Variants in OBI1 observed in about 807,000 individuals in gnomAD.
OBI1 encodes ring finger protein 219.
OBI1 carries 59 observed loss-of-function variants against 62.4 expected under a neutral mutation model. The ratio of observed to expected loss-of-function variants is 0.95; its 90% CI spans 0.77 to 1.17. OBI1 has a LOEUF of 1.17. Among genes scored for constraint, OBI1 ranks in the 50% most tolerant of loss-of-function variants. The pLI, the probability that OBI1 is intolerant of heterozygous loss-of-function variation, is 0.00. For synonymous variants in OBI1, 302 were observed against 292.8 expected, an observed-to-expected ratio of 1.03 and a Z score of -0.32; for missense variants, 875 against 830.9, an observed-to-expected ratio of 1.05 and a Z score of -0.65.
intron 5 of OBI1, among the ~76,000 whole-genome samples, chr13:78,631,186 T>C (rs1379656014): frequency 2.6e-5 from 4 of 152,166 alleles, no homozygotes; most frequent in Non-Finnish European, 5.9e-5. Flanking sequence ...ACTCAATAGA[T>C]ACGTAGTAGG....
In OBI1 at chr13:78,653,608, G is replaced by A. The variant is rs181187848; in HGVS notation, c.72+5441C>T. Reference sequence around the variant, plus strand: ...GCAGGGTTAGTGAACAATAATCTGGGAGAAATAAATACAGGACGATGTGCC... The same window carrying A: ...GCAGGGTTAGTGAACAATAATCTGGAAGAAATAAATACAGGACGATGTGCC... On this transcript the variant is annotated intron_variant, in intron 1 of 5. Coordinates refer to ENST00000282003, the MANE Select transcript of OBI1 (RefSeq NM_024546.4). Among the ~76,000 whole-genome samples the A allele has an allele frequency of 3.4e-3, 520 of 152,298 alleles. 5 individuals carry two copies. Among genetic ancestry groups the A allele is most frequent in the South Asian group, 0.03 (143 of 4,822 alleles).
rs565927894 is a variant in OBI1, at chr13:78,634,395, A to G, written c.638+715T>C. On this transcript the variant is annotated intron_variant, in intron 5 of 5. Coordinates refer to ENST00000282003, the MANE Select transcript of OBI1 (RefSeq NM_024546.4). The stretch of plus-strand genomic sequence containing the variant: ...ATGCAACCTCTGCCTCCCGGACTCA[A>G]GTGATTCTCCTGCCTCAGCCTCCCG... Among the ~76,000 whole-genome samples, 550 of 152,066 alleles carry G rather than the reference A, an allele frequency of 3.6e-3. 8 individuals are homozygous for G. The highest frequency in any genetic ancestry group is 4.3e-3 in the Non-Finnish European group (295 of 68,004).
Position 78,615,770 on chromosome 13 carries a change from T to G in OBI1, c.1991A>C (p.Glu664Ala). The G allele has an allele frequency of 6.2e-7, 1 of 1,613,880 alleles. No homozygotes were observed. Among genetic ancestry groups the G allele is most frequent in the African/African-American group, 1.3e-5 (1 of 75,040 alleles). Residue 664 changes from glutamate (E) to alanine (A), a missense_variant, in exon 6 of 6, where the codon GAA (glutamate) becomes GCA (alanine). Glu to Ala is a moderately radical substitution (Grantham distance 107). Coordinates refer to ENST00000282003, the MANE Select transcript of OBI1 (RefSeq NM_024546.4). ...CAAAGATGACCCAAATCTTTGATCT[T>G]CAAATAGTCGATGTGAACTGCTTAA... ...ILLSSSHRLF[E>A]DQRFGSSLFK...
chr13:78,631,752 T>G (rs1363299267), intron 5 of OBI1, among the ~76,000 whole-genome samples: 1 of 152,162 alleles, frequency 6.6e-6, no homozygotes, highest in Non-Finnish European at 1.5e-5. Context: ...TATTGAAACC[T>G]AGAAGAACAT....
At position 78,638,973 on chromosome 13, in the gene OBI1, C is replaced by T; in HGVS notation, c.399G>A (p.Leu133=). The part of the protein sequence containing the change: ...QIKTILDPLT[L]VQGNQNEDKH... ...TGTCTTCATTTTGGTTGCCCTGCACCAAGGTTAAAGGATCCAGAATAGTTT... is the reference window on the plus strand; with the variant it reads ...TGTCTTCATTTTGGTTGCCCTGCACTAAGGTTAAAGGATCCAGAATAGTTT... The change falls in exon 4 of 6, where the codon TTG becomes TTA. Residue 133 remains leucine, a synonymous_variant. Coordinates refer to ENST00000282003, the MANE Select transcript of OBI1 (RefSeq NM_024546.4). 6.2e-7 allele frequency: 1 copy of T among 1,613,878 alleles called. No individual in the cohort carries two copies. The highest frequency in any genetic ancestry group is 1.1e-5 in the South Asian group (1 of 91,072).
At chr13:78,654,104 G>A (rs899579895) in intron 1 of OBI1, among the ~76,000 whole-genome samples, 2 of 151,240 alleles carry the variant, frequency 1.3e-5, no homozygotes, top group Middle Eastern at 3.5e-3. Flanking sequence ...TCCTGTCTAG[G>A]TAAAAGGAGA....
At chr13:78,624,614 A>G (rs1448830622) in intron 5 of OBI1, among the ~76,000 whole-genome samples, 1 of 152,164 alleles carries the variant, frequency 6.6e-6, no homozygotes, top group Non-Finnish European at 1.5e-5. Context: ...TTTGTAGTTA[A>G]AAAACTGTGG....
intron 5 of OBI1, among the ~76,000 whole-genome samples, chr13:78,620,248 A>C (rs1875465494): frequency 6.6e-6 from 1 of 152,254 alleles, no homozygotes; most frequent in Non-Finnish European, 1.5e-5. Flanking sequence ...TAGAAGAAGG[A>C]CATGAGCTTA....
rs200278404 is a variant in OBI1 at position 78,616,745 on chromosome 13, G to A, written c.1016C>T (p.Ser339Phe). Residue 339 changes from serine (S) to phenylalanine (F), a missense_variant, in exon 6 of 6, where the codon TCT (serine) becomes TTT (phenylalanine). Ser to Phe is a radical substitution (Grantham distance 155). Coordinates refer to ENST00000282003, the MANE Select transcript of OBI1 (RefSeq NM_024546.4). Reference protein sequence around the residue: ...ESTSKADLNCSKNKDLYQEQV... With the variant: ...ESTSKADLNCFKNKDLYQEQV... ...TTCTTGATATAGGTCTTTGTTCTTAGAACAGTTAAGGTCTGCTTTGCTGGT... is the reference window on the plus strand; with the variant it reads ...TTCTTGATATAGGTCTTTGTTCTTAAAACAGTTAAGGTCTGCTTTGCTGGT... 2 of 1,614,106 alleles carry A rather than the reference G, an allele frequency of 1.2e-6. No homozygotes were observed. Among genetic ancestry groups the A allele is most frequent in the Non-Finnish European group, 1.7e-6 (2 of 1,180,014 alleles).
chr13:78,623,111 C>T (rs936695204), intron 5 of OBI1, among the ~76,000 whole-genome samples: 9 of 152,190 alleles, frequency 5.9e-5, no homozygotes, highest in Non-Finnish European at 8.8e-5. Flanking sequence ...GCCAATGTTT[C>T]CTCAAGAGAG....
In OBI1 at chr13:78,635,122, C is replaced by T. The variant is rs1476090809; in HGVS notation, c.626G>A (p.Arg209Lys). Residue 209 changes from arginine (R) to lysine (K), a missense_variant, in exon 5 of 6, where the codon AGA becomes AAA. Arg to Lys is a conservative substitution (Grantham distance 26). Coordinates refer to ENST00000282003, the MANE Select transcript of OBI1 (RefSeq NM_024546.4). ...GCAAAATACATACTTTTGAGGTGAT[C>T]TGTTATCAACTTCAGCCTTCAGTCG... Reference protein sequence around the residue: ...NLRLKAEVDNRSPQKFGRFAV... With the variant: ...NLRLKAEVDNKSPQKFGRFAV... 6.2e-7 allele frequency: 1 copy of T among 1,603,042 alleles called. No individual in the cohort carries two copies. Among genetic ancestry groups the T allele is most frequent in the East Asian group, 2.2e-5 (1 of 44,618 alleles).
chr13:78,628,080 A>G (rs1875732494), intron 5 of OBI1, among the ~76,000 whole-genome samples: 1 of 152,244 alleles, frequency 6.6e-6, no homozygotes, highest in Non-Finnish European at 1.5e-5. Context: ...AATTTCAGAC[A>G]GTGATAATGG....
intron 1 of OBI1, among the ~76,000 whole-genome samples, chr13:78,651,127 GA>G (rs1180010474): frequency 6.6e-6 from 1 of 152,084 alleles, no homozygotes; most frequent in Non-Finnish European, 1.5e-5. Flanking sequence ...GTACATCTCA[GA>G]ATAGTCAAAA....
intron 4 of OBI1, among the ~76,000 whole-genome samples, chr13:78,637,178 T>C (rs2137450463): frequency 6.6e-6 from 1 of 152,356 alleles, no homozygotes; most frequent in South Asian, 2.1e-4. Context: ...ACTTCATTCA[T>C]GCTAAGTAAT....
At chr13:78,646,798 T>A (rs1397595514) in intron 1 of OBI1, among the ~76,000 whole-genome samples, 4 of 152,210 alleles carry the variant, frequency 2.6e-5, no homozygotes. Flanking sequence ...TAGCTATTCA[T>A]GACTGTAGGG....
At chr13:78,658,493 C>T (rs971974464) in intron 1 of OBI1, among the ~76,000 whole-genome samples, 18 of 152,174 alleles carry the variant, frequency 1.2e-4, no homozygotes, top group Non-Finnish European at 2.4e-4. Context: ...TCCAGGAGCA[C>T]TTACTATTTA....
chr13:78,623,916 G>C (rs1875588797), intron 5 of OBI1, among the ~76,000 whole-genome samples: 1 of 152,188 alleles, frequency 6.6e-6, no homozygotes, highest in Non-Finnish European at 1.5e-5. Context: ...TTGCATGAAA[G>C]TACAGCATTG....
intron 2 of OBI1, 128 bp from the exon 3 acceptor site, chr13:78,642,341 G>A (rs373935241): frequency 1.7e-6 from 1 of 587,222 alleles, no homozygotes; most frequent in African/African-American, 1.9e-5. Flanking sequence ...ATACACACTT[G>A]GGGCTTACAT....
chr13:78,636,578 G>A (rs1593793940), intron 4 of OBI1, among the ~76,000 whole-genome samples: 1 of 152,126 alleles, frequency 6.6e-6, no homozygotes, highest in African/African-American at 2.4e-5. Context: ...TTATTTGGGG[G>A]CATAAAGTCT....
Sources: gnomAD v4.1 joint callset for allele counts (sites outside exome capture counted in the v4.1 genomes callset) on GRCh38, gnomAD v4.1.1 for gene constraint, MANE v1.5 for transcripts, NCBI Gene and HGNC (gene_info 2026-07-23, HGNC 2026-07-21) for gene names.